Variants in SPG11 observed in about 807,000 individuals in gnomAD.
SPG11 encodes the protein SPG11 vesicle trafficking associated, spatacsin, also known as spatacsin.
Under a neutral mutation model 274.0 loss-of-function variants are expected in SPG11, and 222 were observed. The observed-to-expected ratio is 0.81, with a 90% CI of 0.73 to 0.91. The LOEUF (loss-of-function observed/expected upper bound fraction) is 0.91. Ranked by LOEUF, SPG11 falls within the 40% of genes least tolerant of loss-of-function variation. SPG11 has a pLI of 0.00. For missense variants in SPG11, 3,114 were observed against 2,872.7 expected, an observed-to-expected ratio of 1.08 and a Z score of -1.92; for synonymous variants, 1,144 against 1,039.7, an observed-to-expected ratio of 1.10 and a Z score of -1.93.
chr15:44,597,035 T>C, intron 23 of SPG11, 92 bp from the exon 24 acceptor site: 1 of 1,254,898 alleles, frequency 8.0e-7, no homozygotes, highest in Non-Finnish European at 1.1e-6. Context: ...TGAGTAAAAA[T>C]GATATAAATT....
At chr15:44,619,879 G>C (rs868053404) in intron 15 of SPG11, among the ~76,000 whole-genome samples, 3 of 151,822 alleles carry the variant, frequency 2.0e-5, no homozygotes, top group Non-Finnish European at 4.4e-5. Context: ...ATTATGCCTG[G>C]CTAATTTTTG....
At chr15:44,569,365 ACC>A (rs763823452) in intron 35 of SPG11, 31 bp downstream of exon 35, 12 of 1,425,538 alleles carry the variant, frequency 8.4e-6, no homozygotes, top group Non-Finnish European at 1.2e-5. Context: ...TCAGCAGTAC[ACC>A]CCATCCTGGA....
chr15:44,612,325 CATTAAAAT>C (rs1275961149), intron 17 of SPG11, among the ~76,000 whole-genome samples: 1 of 152,194 alleles, frequency 6.6e-6, no homozygotes, highest in Non-Finnish European at 1.5e-5. Context: ...GAACAAAATA[CATTAAAAT>C]ATTATCAGTG....
chr15:44,600,728 G>T (rs2083164429), intron 20 of SPG11, 96 bp from the exon 21 acceptor site: 10 of 1,367,088 alleles, frequency 7.3e-6, no homozygotes, highest in African/African-American at 1.4e-5. Flanking sequence ...ACTGGTTGCT[G>T]TAATTATTTT....
chr15:44,598,705 T>G lies in SPG11; in HGVS notation c.3818A>C (p.Lys1273Thr), dbSNP rs76389165. 5.0e-6 allele frequency: 8 copies of G among 1,614,080 alleles called. No individual in the cohort carries two copies. The highest frequency in any genetic ancestry group is 1.6e-4 in the Middle Eastern group (1 of 6,084). ...LDSLKLRVDM[K>T]VANIILSYKC... is the part of the protein sequence containing the mutation. ...GTAGCTCAAAATTATATTGGCCACT[T>G]TCATATCAACTCTGAGCTTGAGGCT... Residue 1273 changes from lysine to threonine, a missense_variant, in exon 22 of 40, where the codon AAA (lysine) becomes ACA (threonine). Transcript: ENST00000261866.
intron 8 of SPG11, among the ~76,000 whole-genome samples, chr15:44,631,130 TA>T (rs1595901337): frequency 6.6e-6 from 1 of 152,148 alleles, no homozygotes; most frequent in Non-Finnish European, 1.5e-5. Flanking sequence ...AATTTAACAA[TA>T]AATTCTAGTA....
Position 44,628,691 on chromosome 15 carries a change from A to G in SPG11, c.2045T>C (p.Ile682Thr). 1 of 1,613,694 alleles carries G rather than the reference A, an allele frequency of 6.2e-7. No individual in the cohort carries two copies. Among genetic ancestry groups the G allele is most frequent in the Non-Finnish European group, 8.5e-7 (1 of 1,179,888 alleles). The change falls in exon 10 of 40, where the codon ATA becomes ACA. Residue 682 changes from isoleucine (I) to threonine (T), a missense_variant. Coordinates refer to ENST00000261866, the MANE Select transcript of SPG11 (RefSeq NM_025137.4). ...ENVPKVKESN[I>T]WKKLSFEEVI... ...TACCTCAAAGCTGAGTTTCTTCCAT[A>G]TATTGCTCTCCTTTACTTTGGGGAC... is the stretch of plus-strand genomic sequence containing the variant.
chr15:44,634,261 A>G (rs529097323), intron 7 of SPG11, among the ~76,000 whole-genome samples: 1 of 152,204 alleles, frequency 6.6e-6, no homozygotes, highest in East Asian at 1.9e-4. Flanking sequence ...ATTCAGTTAT[A>G]TTCTATTTGA....
intron 4 of SPG11, among the ~76,000 whole-genome samples, chr15:44,656,661 G>A (rs2084949659): frequency 6.6e-6 from 1 of 152,178 alleles, no homozygotes; most frequent in African/African-American, 2.4e-5. Context: ...GGGTATGGCT[G>A]TGGAGGTGGA....
rs2082221354 is a variant in SPG11, at chr15:44,562,892, A to AGTATCTATATAAAATGG, written c.*212_*228dup. The AGTATCTATATAAAATGG allele has an allele frequency of 5.7e-6, 3 of 523,338 alleles. No individual in the cohort carries two copies. Among genetic ancestry groups the AGTATCTATATAAAATGG allele is most frequent in the Non-Finnish European group, 1.0e-5 (3 of 291,930 alleles). 32.4% of individuals were successfully genotyped at this position (523,338 alleles called of 1,614,324 possible). On this transcript the variant is annotated 3_prime_UTR_variant, in exon 40 of 40. Transcript: ENST00000261866. ...AGAGGAAGCTTTTGATCTTAATACT[A>AGTATCTATATAAAATGG]GTATCTATATAAAATGGTGTGGATG... is the stretch of plus-strand genomic sequence containing the variant.
chr15:44,630,236 G>GC (rs898651291), intron 8 of SPG11, among the ~76,000 whole-genome samples: 7 of 152,156 alleles, frequency 4.6e-5, no homozygotes, highest in South Asian at 4.1e-4. Context: ...TCCTCCCGCT[G>GC]CCCCCCGTGG....
intron 19 of SPG11, 77 bp from the exon 20 acceptor site, chr15:44,606,168 C>A: frequency 4.6e-6 from 6 of 1,299,178 alleles, no homozygotes; most frequent in Non-Finnish European, 6.6e-6. Flanking sequence ...TATGAAAGGA[C>A]TTCAGAGGTA....
chr15:44,612,952 T>G (rs1320288175), intron 17 of SPG11, among the ~76,000 whole-genome samples: 1 of 152,196 alleles, frequency 6.6e-6, no homozygotes, highest in Non-Finnish European at 1.5e-5. Flanking sequence ...AAGCCTTTTC[T>G]GTCTGATTAC....
chr15:44,663,149 C>T (rs1350227674), intron 1 of SPG11, among the ~76,000 whole-genome samples: 4 of 152,230 alleles, frequency 2.6e-5, no homozygotes, highest in Non-Finnish European at 2.9e-5. Context: ...AGCTGGGTGC[C>T]GTCTCCGCCC....
rs760179445 is a variant in SPG11, at chr15:44,613,481, G to T, written c.3094C>A (p.Pro1032Thr). 1.2e-6 allele frequency: 2 copies of T among 1,613,862 alleles called. 1 individual carries two copies. Among genetic ancestry groups the T allele is most frequent in the South Asian group, 2.2e-5 (2 of 91,070 alleles). ...LEKKELHEAH[P>T]WFEFLVQCRQ... ...CACTGAACTAAAAATTCAAACCAAGGGTGTGCTTCATGTAACTCTTTTTTT... is the reference window on the plus strand; with the variant it reads ...CACTGAACTAAAAATTCAAACCAAGTGTGTGCTTCATGTAACTCTTTTTTT... The change falls in exon 17 of 40, where the codon CCT (proline) becomes ACT (threonine). Residue 1032 changes from proline (P) to threonine (T), a missense_variant. Coordinates refer to ENST00000261866, the MANE Select transcript of SPG11 (RefSeq NM_025137.4).
chr15:44,589,560 T>C (rs549739967), intron 27 of SPG11, 146 bp from the exon 28 acceptor site: 16 of 899,694 alleles, frequency 1.8e-5, no homozygotes, highest in South Asian at 1.0e-4. Flanking sequence ...CCTTTCCAAA[T>C]GGCAGGAACT....
rs2082268240 is a variant in SPG11, at chr15:44,564,429, GC to G, written c.7151+117del. On this transcript the variant is annotated intron_variant, in intron 39 of 39. Coordinates refer to ENST00000261866, the MANE Select transcript of SPG11 (RefSeq NM_025137.4). ...TTCTAAGGATTCTTGATACTGCTTTGCCATTTTAAGTAGAGGTAATCTAAAG... is the reference window on the plus strand; with the variant it reads ...TTCTAAGGATTCTTGATACTGCTTTGCATTTTAAGTAGAGGTAATCTAAAG... 12 of 958,270 alleles carry G rather than the reference GC, an allele frequency of 1.3e-5. No individual in the cohort carries two copies. The South Asian group carries it at 1.7e-4, about 14-fold the overall frequency. 59.4% of individuals were successfully genotyped at this position (958,270 alleles called of 1,614,324 possible).
At position 44,657,228 on chromosome 15, in the gene SPG11, A is replaced by G; in HGVS notation, c.736T>C (p.Cys246Arg). 1 of 1,614,214 alleles carries G rather than the reference A, an allele frequency of 6.2e-7. No individual in the cohort carries two copies. Among genetic ancestry groups the G allele is most frequent in the Non-Finnish European group, 8.5e-7 (1 of 1,180,030 alleles). The change falls in exon 4 of 40, where the codon TGT becomes CGT. Residue 246 changes from cysteine to arginine, a missense_variant. Physicochemically the swap from Cys to Arg is radical, Grantham distance 180. Transcript: ENST00000261866. ...GCTGGCTCCTGTTGCTGCTCATTACACATGTCTTCTTTGTGAAGTGCTAAA... is the reference window on the plus strand; with the variant it reads ...GCTGGCTCCTGTTGCTGCTCATTACGCATGTCTTCTTTGTGAAGTGCTAAA... ...VDLALHKEDM[C>R]NEQQQEPAKI...
chr15:44,651,263 C>A (rs1457778204), intron 6 of SPG11, among the ~76,000 whole-genome samples: 1 of 152,132 alleles, frequency 6.6e-6, no homozygotes, highest in Non-Finnish European at 1.5e-5. Context: ...TAATAAACTT[C>A]ATTTCTCTCA....
Sources: allele counts gnomAD v4.1 joint callset (sites outside exome capture counted in the v4.1 genomes callset), GRCh38; gene constraint gnomAD v4.1.1; transcripts MANE v1.5; gene names NCBI Gene and HGNC (gene_info 2026-07-23, HGNC 2026-07-21).